Variants in NOSTRIN observed in about 807,000 individuals in gnomAD.
The protein encoded by NOSTRIN is nitric oxide synthase trafficking.
Under a neutral mutation model 59.0 loss-of-function variants are expected in NOSTRIN, and 63 were observed. The ratio of observed to expected loss-of-function variants is 1.07; its 90% confidence interval spans 0.87 to 1.32. The LOEUF (loss-of-function observed/expected upper bound fraction) is 1.32, where lower values mean the gene tolerates loss of function less well. Ranked by LOEUF, NOSTRIN falls within the 40% of genes most tolerant of loss-of-function variation. The pLI, the probability that NOSTRIN is intolerant of heterozygous loss-of-function variation, is 0.00. For missense variants in NOSTRIN, 512 were observed against 473.1 expected, an observed-to-expected ratio of 1.08 and a Z score of -0.76; for synonymous variants, 200 against 165.4, an observed-to-expected ratio of 1.21 and a Z score of -1.61.
rs528249392 is a variant in NOSTRIN at position 168,835,381 on chromosome 2, C to A, written c.504+1056C>A. On this transcript the variant is annotated intron_variant, in intron 7 of 15. Coordinates refer to ENST00000317647, the MANE Select transcript of NOSTRIN (RefSeq NM_001039724.4). ...GGCATGAGCCACCGCCCCTGGCCAG[C>A]CTTCTCGATAATGTAATTTGTTCAT... 8.0e-4 allele frequency among the ~76,000 whole-genome samples: 122 copies of A among 152,250 alleles called. 1 individual carries two copies. The highest frequency in any genetic ancestry group is 2.7e-3 in the African/African-American group (111 of 41,540).
intron 8 of NOSTRIN, among the ~76,000 whole-genome samples, chr2:168,846,262 T>C (rs1574318632): frequency 1.3e-5 from 2 of 152,324 alleles, no homozygotes; most frequent in East Asian, 3.9e-4. Flanking sequence ...AGGAATTTTA[T>C]TATAAGTGTG....
At chr2:168,831,698 A>C (rs1687371542) in intron 6 of NOSTRIN, among the ~76,000 whole-genome samples, 164 bp downstream of exon 6, 1 of 152,222 alleles carries the variant, frequency 6.6e-6, no homozygotes, top group Non-Finnish European at 1.5e-5. Flanking sequence ...TTTTTCACCA[A>C]ACCAATGGAA....
intron 7 of NOSTRIN, among the ~76,000 whole-genome samples, chr2:168,837,577 G>T (rs898858192): frequency 2.2e-4 from 34 of 152,092 alleles, no homozygotes; most frequent in African/African-American, 7.7e-4. Flanking sequence ...CCAAAGTGCT[G>T]GGATTACAGG....
chr2:168,813,757 A>G (rs1244512043), intron 2 of NOSTRIN, among the ~76,000 whole-genome samples: 1 of 152,222 alleles, frequency 6.6e-6, no homozygotes. Context: ...ATTCCTGCAC[A>G]AAAACAGTAT....
chr2:168,824,622 C>G lies in NOSTRIN; in HGVS notation c.114-12C>G. 2.3e-6 allele frequency: 2 copies of G among 871,150 alleles called. No homozygotes were observed. The highest frequency in any genetic ancestry group is 4.3e-4 in the Middle Eastern group (2 of 4,608). The allele number at this position is 871,150 out of a possible 1,614,324, so 54.0% of individuals were successfully genotyped here. A position where few individuals can be genotyped will look rare whatever the true frequency, so the allele number is the denominator to read the frequency against. Reference sequence around the variant, plus strand: ...CCCAGTACATCCTATTTAACTAGTCCTTTTCTAACAGGGCAAACCTGGAAA... The same window carrying G: ...CCCAGTACATCCTATTTAACTAGTCGTTTTCTAACAGGGCAAACCTGGAAA... On this transcript the variant is annotated splice_polypyrimidine_tract_variant and intron_variant, in intron 2 of 15. Coordinates refer to ENST00000317647, the MANE Select transcript of NOSTRIN (RefSeq NM_001039724.4).
At chr2:168,819,260 G>C (rs1312709010) in intron 2 of NOSTRIN, among the ~76,000 whole-genome samples, 1 of 152,072 alleles carries the variant, frequency 6.6e-6, no homozygotes, top group Admixed American at 6.5e-5. Context: ...GGTGTGCCTT[G>C]CTGCCTCTGC....
In NOSTRIN at chr2:168,859,357, AT is replaced by A. The variant is rs11296225; in HGVS notation, c.1054-146del. The A allele has an allele frequency of 0.022, 24,881 of 1,115,436 alleles. 2,117 individuals carry two copies. The African/African-American group carries it at 0.24, about 11-fold the overall frequency. The allele number at this position is 1,115,436 out of a possible 1,614,324, so 69.1% of individuals were successfully genotyped here. A position where few individuals can be genotyped will look rare whatever the true frequency, so the allele number is the denominator to read the frequency against. ...AACTGCTTAAAGAGTTTATTCCTCC[AT>A]TTTTTTTTCCTTCGGCATTTTCTGT... is the stretch of plus-strand genomic sequence containing the variant. On this transcript the variant is annotated intron_variant, in intron 12 of 15. Transcript: ENST00000317647.
chr2:168,844,535 C>T (rs558844444), intron 8 of NOSTRIN, among the ~76,000 whole-genome samples: 1 of 152,082 alleles, frequency 6.6e-6, no homozygotes, highest in African/African-American at 2.4e-5. Flanking sequence ...TTAATCATGA[C>T]ATTATGAGAA....
At chr2:168,821,966 C>T (rs543648233) in intron 2 of NOSTRIN, among the ~76,000 whole-genome samples, 6 of 152,184 alleles carry the variant, frequency 3.9e-5, no homozygotes, top group African/African-American at 1.4e-4. Flanking sequence ...TCATAAAACC[C>T]TCTTTAAGTA....
intron 2 of NOSTRIN, among the ~76,000 whole-genome samples, chr2:168,819,153 T>G (rs1282802277): frequency 6.6e-6 from 1 of 152,198 alleles, no homozygotes; most frequent in Non-Finnish European, 1.5e-5. Flanking sequence ...TGAGATTAGC[T>G]CTGCTCTCTC....
intron 15 of NOSTRIN, among the ~76,000 whole-genome samples, chr2:168,862,348 G>A (rs779239409): frequency 6.6e-6 from 1 of 152,232 alleles, no homozygotes; most frequent in Non-Finnish European, 1.5e-5. Context: ...TACACAGGAA[G>A]GTTAGGTGCT....
At chr2:168,834,501 GCGCGCGCACACACA>G (rs1687574149) in intron 7 of NOSTRIN, among the ~76,000 whole-genome samples, 176 bp downstream of exon 7, 1 of 110,682 alleles carries the variant, frequency 9.0e-6, no homozygotes, top group Non-Finnish European at 2.0e-5. Flanking sequence ...GCGCGCGCGC[GCGCGCGCACACACA>G]CACACACACA....
intron 8 of NOSTRIN, among the ~76,000 whole-genome samples, chr2:168,848,508 C>T (rs1688560713): frequency 6.6e-6 from 1 of 152,196 alleles, no homozygotes; most frequent in Non-Finnish European, 1.5e-5. Context: ...ATAGTTACTG[C>T]CTGAGCCTTT....
chr2:168,807,255 C>T (rs1459468684), intron 1 of NOSTRIN, among the ~76,000 whole-genome samples: 1 of 152,068 alleles, frequency 6.6e-6, no homozygotes, highest in Non-Finnish European at 1.5e-5. Flanking sequence ...TCTGAACACA[C>T]ACACACACAT....
chr2:168,850,822 C>T (rs1296201119), intron 8 of NOSTRIN: 5 of 782,534 alleles, frequency 6.4e-6, no homozygotes, highest in African/African-American at 1.7e-5. Flanking sequence ...TCTCCCCCTT[C>T]CTCATAAACT....
At chr2:168,808,853 A>G (rs1020810117) in intron 1 of NOSTRIN, among the ~76,000 whole-genome samples, 18 of 152,230 alleles carry the variant, frequency 1.2e-4, no homozygotes, top group Admixed American at 3.3e-4. Flanking sequence ...TAATTAGACA[A>G]ATGTTCATAT....
intron 8 of NOSTRIN, among the ~76,000 whole-genome samples, chr2:168,849,538 T>A (rs1688623071): frequency 6.6e-6 from 1 of 151,912 alleles, no homozygotes; most frequent in Non-Finnish European, 1.5e-5. Context: ...GTATTTTTAG[T>A]AGAGACGGGG....
chr2:168,797,237 G>A (rs1011948087), upstream of NOSTRIN, among the ~76,000 whole-genome samples: 10 of 151,626 alleles, frequency 6.6e-5, no homozygotes, highest in Non-Finnish European at 1.0e-4. Context: ...CTACAGGTAC[G>A]TACCACCATG....
chr2:168,805,463 A>G (rs1270605588), intron 1 of NOSTRIN, among the ~76,000 whole-genome samples: 1 of 152,248 alleles, frequency 6.6e-6, no homozygotes, highest in Non-Finnish European at 1.5e-5. Context: ...CTTCAAATCC[A>G]TGTGCAAGAA....
Sources: gnomAD v4.1 joint callset for allele counts (sites outside exome capture counted in the v4.1 genomes callset) on GRCh38, gnomAD v4.1.1 for gene constraint, MANE v1.5 for transcripts, NCBI Gene and HGNC (gene_info 2026-07-23, HGNC 2026-07-21) for gene names.